GPATCH2: variants seen among roughly 807,000 people sequenced by gnomAD.
GPATCH2 encodes the protein G-patch domain containing 2.
A neutral mutation model predicts 58.0 loss-of-function variants in GPATCH2; 51 were observed. The ratio of observed to expected loss-of-function variants is 0.88; its 90% CI spans 0.70 to 1.11. GPATCH2 has a LOEUF of 1.11. GPATCH2 is among the 50% of genes most tolerant of loss of function. The pLI is 0.00. For missense variants in GPATCH2, 625 were observed against 652.2 expected, an observed-to-expected ratio of 0.96 and a Z score of 0.45; for synonymous variants, 222 against 218.5, an observed-to-expected ratio of 1.02 and a Z score of -0.14.
rs202185756 is a variant in GPATCH2 at position 217,431,118 on chromosome 1, C to G, written c.*27G>C. ...AACAATGGGACATAGTGAATAAAGT[C>G]TGTAAAACATTTCTTCTTTGCTTTT... is the stretch of plus-strand genomic sequence containing the variant. On this transcript the variant is annotated 3_prime_UTR_variant, in exon 10 of 10. Transcript: ENST00000366935. 28 of 1,081,202 alleles carry G rather than the reference C, an allele frequency of 2.6e-5. No homozygotes were observed. The Admixed American group carries it at 4.0e-4, about 16-fold the overall frequency. The allele number at this position is 1,081,202 out of a possible 1,614,324, so 67.0% of individuals were successfully genotyped here.
At chr1:217,609,267 T>C (rs1668512324) in intron 5 of GPATCH2, 1 of 984,382 alleles carries the variant, frequency 1.0e-6, no homozygotes, top group Non-Finnish European at 1.2e-6. Context: ...GTGACACATA[T>C]GGTCTGCCAT....
rs1459867663 is a variant in GPATCH2, at chr1:217,614,148, T to C, written c.828A>G (p.Gly276=). Residue 276 remains glycine (G), a synonymous_variant, in exon 3 of 10, where the codon GGA becomes GGG. Transcript: ENST00000366935. ...TDAGLFTNDE[G]RQGDDEQSDW... is the part of the protein sequence containing the mutation. Reference sequence around the variant, plus strand: ...AAAATATCATTTCAGTACCTTGTCTTCCCTCATCATTGGTAAACAATCCAG... The same window carrying C: ...AAAATATCATTTCAGTACCTTGTCTCCCCTCATCATTGGTAAACAATCCAG... The C allele has an allele frequency of 6.5e-7, 1 of 1,546,722 alleles. No individual in the cohort carries two copies. Among genetic ancestry groups the C allele is most frequent in the Admixed American group, 1.7e-5 (1 of 59,874 alleles).
intron 2 of GPATCH2, among the ~76,000 whole-genome samples, chr1:217,616,394 T>C (rs754401714): frequency 5.3e-5 from 8 of 152,178 alleles, no homozygotes; most frequent in Non-Finnish European, 7.4e-5. Context: ...CTGGTCCTTT[T>C]GTTTATGTTC....
intron 9 of GPATCH2, among the ~76,000 whole-genome samples, chr1:217,442,796 C>A (rs1374165334): frequency 6.6e-6 from 1 of 152,070 alleles, no homozygotes; most frequent in East Asian, 1.9e-4. Flanking sequence ...CCATTATAAT[C>A]CCTAAATTTA....
intron 8 of GPATCH2, among the ~76,000 whole-genome samples, chr1:217,462,134 G>C (rs1169531527): frequency 1.3e-5 from 2 of 152,106 alleles, no homozygotes; most frequent in African/African-American, 4.8e-5. Flanking sequence ...TTATAATTTT[G>C]TTAAATTGGG....
chr1:217,438,959 C>A (rs530978667), intron 9 of GPATCH2, among the ~76,000 whole-genome samples: 13 of 152,116 alleles, frequency 8.5e-5, no homozygotes, highest in Non-Finnish European at 1.8e-4. Flanking sequence ...TTAGACAGAG[C>A]AACGAGACAG....
At chr1:217,531,708 G>A (rs1664197757) in intron 5 of GPATCH2, among the ~76,000 whole-genome samples, 2 of 152,074 alleles carry the variant, frequency 1.3e-5, no homozygotes, top group African/African-American at 4.8e-5. Context: ...ACAAGTTGGT[G>A]AAAACAGAGG....
intron 5 of GPATCH2, among the ~76,000 whole-genome samples, chr1:217,594,963 G>A (rs539727529): frequency 1.3e-5 from 2 of 152,210 alleles, no homozygotes; most frequent in South Asian, 2.1e-4. Context: ...GCATGCCAAA[G>A]GAAAGTAAAG....
intron 5 of GPATCH2, among the ~76,000 whole-genome samples, chr1:217,571,721 C>CAAAAAAAAAAAAAAAAAAAAAA (rs1558494034): frequency 6.1e-5 from 7 of 114,696 alleles, no homozygotes; most frequent in African/African-American, 6.2e-5. Context: ...AAAAAAAAAA[C>CAAAAAAAAAAAAAAAAAAAAAA]AAAAAAGAAG....
At chr1:217,595,149 G>A (rs1295496995) in intron 5 of GPATCH2, among the ~76,000 whole-genome samples, 1 of 152,174 alleles carries the variant, frequency 6.6e-6, no homozygotes, top group Admixed American at 6.5e-5. Context: ...GATTACTGAA[G>A]AAGGAACAGG....
At chr1:217,564,045 GAAAAAAAAAAAAA>G (rs59348467) in intron 5 of GPATCH2, among the ~76,000 whole-genome samples, 14 of 58,216 alleles carry the variant, frequency 2.4e-4, no homozygotes, top group Non-Finnish European at 3.1e-4. Context: ...ACTCCGTCTC[GAAAAAAAAAAAAA>G]AAAAAAAAAA....
intron 8 of GPATCH2, among the ~76,000 whole-genome samples, chr1:217,486,336 T>C (rs1327174289): frequency 6.6e-6 from 1 of 152,228 alleles, no homozygotes; most frequent in African/African-American, 2.4e-5. Flanking sequence ...CTGCTTCTAT[T>C]GGAATCTGTA....
chr1:217,470,863 A>C (rs1660695953), intron 8 of GPATCH2, among the ~76,000 whole-genome samples: 1 of 152,140 alleles, frequency 6.6e-6, no homozygotes, highest in African/African-American at 2.4e-5. Context: ...AATTAAACAA[A>C]TATAGAAAGT....
chr1:217,452,381 T>C (rs1257952659), intron 8 of GPATCH2, among the ~76,000 whole-genome samples: 1 of 152,236 alleles, frequency 6.6e-6, no homozygotes, highest in African/African-American at 2.4e-5. Context: ...AAAACAATTA[T>C]TAGCCAGGGC....
intron 8 of GPATCH2, among the ~76,000 whole-genome samples, chr1:217,457,887 T>C (rs1660015434): frequency 6.6e-6 from 1 of 152,188 alleles, no homozygotes; most frequent in East Asian, 1.9e-4. Context: ...CATCAGCCTA[T>C]TGCTGCAGAT....
intron 8 of GPATCH2, among the ~76,000 whole-genome samples, chr1:217,471,979 A>C (rs1660739904): frequency 6.6e-6 from 1 of 152,194 alleles, no homozygotes; most frequent in Non-Finnish European, 1.5e-5. Flanking sequence ...AAATGTTTTT[A>C]CTTGATTTCA....
At chr1:217,524,044 C>T (rs1663659907) in intron 5 of GPATCH2, among the ~76,000 whole-genome samples, 1 of 149,592 alleles carries the variant, frequency 6.7e-6, no homozygotes, top group Admixed American at 6.6e-5. Context: ...GTGCCCCTCA[C>T]CTCCCGGATG....
chr1:217,464,595 C>A (rs939271573), intron 8 of GPATCH2, among the ~76,000 whole-genome samples: 1 of 152,054 alleles, frequency 6.6e-6, no homozygotes, highest in Non-Finnish European at 1.5e-5. Context: ...GATAAAAAAC[C>A]CACACCAAGG....
intron 6 of GPATCH2, among the ~76,000 whole-genome samples, chr1:217,507,571 G>T (rs554949326): frequency 6.6e-6 from 1 of 152,072 alleles, no homozygotes; most frequent in Non-Finnish European, 1.5e-5. Flanking sequence ...CTCAGTATTT[G>T]TAAGACTTAA....
Sources: gnomAD v4.1 joint callset for allele counts (sites outside exome capture counted in the v4.1 genomes callset) on GRCh38, gnomAD v4.1.1 for gene constraint, MANE v1.5 for transcripts, NCBI Gene and HGNC (gene_info 2026-07-23, HGNC 2026-07-21) for gene names.